The following CYREN variants were observed in gnomAD, a reference collection of about 807,000 sequenced individuals.
CYREN encodes the protein cell cycle regulator of non-homologous end joining.
CYREN carries 7 observed loss-of-function variants against 9.7 expected under a neutral mutation model. The ratio of observed to expected loss-of-function variants is 0.72; its 90% CI spans 0.41 to 1.36. The LOEUF (loss-of-function observed/expected upper bound fraction) is 1.36. Ranked by LOEUF, CYREN falls within the 40% of genes most tolerant of loss-of-function variation. The probability of loss-of-function intolerance (pLI) is 0.01; values close to 1 mark genes in which losing one functional copy is unlikely to be tolerated. For synonymous variants in CYREN, 76 were observed against 77.9 expected (o/e 0.98, Z 0.13); for missense variants, 215 against 198.1 (o/e 1.09, Z -0.51).
intron 2 of CYREN, among the ~76,000 whole-genome samples, chr7:135,120,855 TA>T (rs1827038082): frequency 6.6e-6 from 1 of 152,154 alleles, no homozygotes; most frequent in Non-Finnish European, 1.5e-5. Flanking sequence ...GCATTATATA[TA>T]ATGTTTAAAA....
intron 2 of CYREN, among the ~76,000 whole-genome samples, chr7:135,127,559 A>G (rs1428327621): frequency 6.6e-6 from 1 of 152,168 alleles, no homozygotes; most frequent in Admixed American, 6.5e-5. Flanking sequence ...CTAAAAAAAA[A>G]AAAAAAACTC....
At chr7:135,116,711 T>G (rs1190592563) in intron 2 of CYREN, among the ~76,000 whole-genome samples, 2 of 152,214 alleles carry the variant, frequency 1.3e-5, no homozygotes, top group African/African-American at 4.8e-5. Flanking sequence ...TTATACCTCA[T>G]AAGAGTGGAA....
chr7:135,161,169 C>T (rs986215863), downstream of CYREN, among the ~76,000 whole-genome samples: 2 of 152,088 alleles, frequency 1.3e-5, no homozygotes, highest in Admixed American at 6.6e-5. This position sits in a 1 kb window ranked among gnomAD's most constrained non-coding sequence, Gnocchi z 4.1. Flanking sequence ...CTTCTTGGCT[C>T]GTTTTGTTTT....
chr7:135,107,633 G>A (rs1824943643), intron 2 of CYREN, among the ~76,000 whole-genome samples: 1 of 152,098 alleles, frequency 6.6e-6, no homozygotes, highest in African/African-American at 2.4e-5. Context: ...TTTTATGTCT[G>A]ATTGTGTAGT....
intron 2 of CYREN, among the ~76,000 whole-genome samples, chr7:135,117,344 T>C (rs1329510729): frequency 1.4e-5 from 2 of 144,498 alleles, no homozygotes; most frequent in African/African-American, 5.0e-5. Context: ...TCATTTTGGC[T>C]TAAGAACAGA....
At chr7:135,115,708 C>T (rs1350331566) in intron 2 of CYREN, 14 of 1,047,080 alleles carry the variant, frequency 1.3e-5, no homozygotes, top group Non-Finnish European at 1.9e-5. Flanking sequence ...AAAAAATCTG[C>T]TCTTGAAAAT....
At chr7:135,118,803 C>CAG (rs199805169) in intron 2 of CYREN, among the ~76,000 whole-genome samples, 2 of 151,226 alleles carry the variant, frequency 1.3e-5, no homozygotes, top group African/African-American at 4.9e-5. Context: ...ATAGCCTCAG[C>CAG]AGAGAGAGAG....
intron 2 of CYREN, chr7:135,134,700 A>T: frequency 1.3e-6 from 1 of 790,418 alleles, no homozygotes; most frequent in Non-Finnish European, 1.9e-6. Flanking sequence ...GAAGACTTCT[A>T]AATGATGGTA....
chr7:135,103,898 G>T (rs1585133233), intron 2 of CYREN, among the ~76,000 whole-genome samples: 1 of 151,788 alleles, frequency 6.6e-6, no homozygotes, highest in Non-Finnish European at 1.5e-5. Context: ...TTAATGTAAG[G>T]ATGTTCATCA....
chr7:135,100,273 A>G lies in CYREN; in HGVS notation n.357-5691T>C, dbSNP rs191195843. Among the ~76,000 whole-genome samples, 57 of 152,174 alleles carry G rather than the reference A, an allele frequency of 3.7e-4. 1 individual carries two copies. The East Asian group carries it at 0.011, about 29-fold the overall frequency. The stretch of plus-strand genomic sequence containing the variant: ...ATGACAATCAAATGCTTTACTATCC[A>G]TTGCAGCAACTGGAGCACTGGTCAT... On this transcript the variant is annotated intron_variant and non_coding_transcript_variant, in intron 2 of 2. Coordinates refer to the CYREN transcript ENST00000459937.
intron 2 of CYREN, among the ~76,000 whole-genome samples, chr7:135,122,868 C>T (rs912548526): frequency 2.0e-5 from 3 of 151,982 alleles, no homozygotes; most frequent in African/African-American, 7.3e-5. Flanking sequence ...ACAAACAAGC[C>T]CCCAGAAAAA....
intron 2 of CYREN, among the ~76,000 whole-genome samples, chr7:135,137,220 CA>C (rs755798687): frequency 5.6e-4 from 81 of 145,334 alleles, no homozygotes; most frequent in Middle Eastern, 6.9e-3. Context: ...AACTAAGAAA[CA>C]AAAAAAAAAT....
At chr7:135,123,622 AATGTT>A (rs1442041384) in intron 2 of CYREN, among the ~76,000 whole-genome samples, 1 of 152,144 alleles carries the variant, frequency 6.6e-6, no homozygotes. Flanking sequence ...TGAAGGAAAA[AATGTT>A]AAGGGCAGCC....
At chr7:135,164,172 T>G (rs1476857036), downstream of CYREN, among the ~76,000 whole-genome samples, 1 of 152,246 alleles carries the variant, frequency 6.6e-6, no homozygotes, top group African/African-American at 2.4e-5. Context: ...TTAAGATGTT[T>G]CACACTTTCA....
chr7:135,115,700 A>T, intron 2 of CYREN: 1 of 1,125,488 alleles, frequency 8.9e-7, no homozygotes, highest in South Asian at 1.8e-5. Flanking sequence ...CTACGAAAAA[A>T]AAATCTGCTC....
At chr7:135,163,766 C>T (rs1033481468), downstream of CYREN, among the ~76,000 whole-genome samples, 19 of 152,232 alleles carry the variant, frequency 1.2e-4, no homozygotes, top group Admixed American at 1.3e-4. Context: ...CACCAGGTGA[C>T]ATCTTGTCTT....
rs149625116 is a variant in CYREN, at chr7:135,094,950, T to C, written n.357-368A>G. Among the ~76,000 whole-genome samples the C allele has an allele frequency of 2.3e-3, 343 of 152,348 alleles. 1 individual carries two copies. Among genetic ancestry groups the C allele is most frequent in the African/African-American group, 7.6e-3 (315 of 41,578 alleles). ...GACTGGGATCAGTTTCCTTGTATTG[T>C]TGAGAGCACAGATGTTTGCAAAGGA... On this transcript the variant is annotated intron_variant and non_coding_transcript_variant, in intron 2 of 2. Coordinates refer to the CYREN transcript ENST00000459937.
intron 2 of CYREN, among the ~76,000 whole-genome samples, chr7:135,134,582 T>C (rs1829220751): frequency 6.6e-6 from 1 of 152,004 alleles, no homozygotes; most frequent in Admixed American, 6.6e-5. Flanking sequence ...GAGTGGCTAT[T>C]ATATTAGGAA....
chr7:135,168,658 G>C (rs933776451), intron 2 of CYREN, 128 bp downstream of exon 2: 2 of 1,393,334 alleles, frequency 1.4e-6, no homozygotes, highest in Non-Finnish European at 1.9e-6. Context: ...AAAAGCTCAA[G>C]AGATGATCAG....
Sources: gnomAD v4.1 joint callset for allele counts (sites outside exome capture counted in the v4.1 genomes callset) on GRCh38, gnomAD v4.1.1 for gene constraint, Gnocchi (gnomAD v3.1) non-coding constraint, MANE v1.5 for transcripts, NCBI Gene and HGNC (gene_info 2026-07-23, HGNC 2026-07-21) for gene names.